RFC3: variants seen among roughly 807,000 people sequenced by gnomAD.
RFC3 encodes the protein replication factor C subunit 3, also known as A1 38 kDa subunit.
A neutral mutation model predicts 45.1 loss-of-function variants in RFC3; 41 were observed. That is an observed-to-expected ratio of 0.91 (90% confidence interval 0.71 to 1.18). The LOEUF is 1.18. Among genes scored for constraint, RFC3 ranks in the 50% most tolerant of loss-of-function variants. The pLI, the probability that RFC3 is intolerant of heterozygous loss-of-function variation, is 0.00. For synonymous variants in RFC3, 149 were observed against 144.0 expected (o/e 1.03, Z -0.25); for missense variants, 423 against 428.1 (o/e 0.99, Z 0.10).
At position 33,836,599 on chromosome 13, in the gene RFC3, C is replaced by G. The variant is rs926304099; in HGVS notation, c.*304C>G. ...TCCTATTCTCTTCCGTCTAATCTCTCACCTGCTAAAGGAGATTTACACATT... is the reference window on the plus strand; with the variant it reads ...TCCTATTCTCTTCCGTCTAATCTCTGACCTGCTAAAGGAGATTTACACATT... On this transcript the variant is annotated 3_prime_UTR_variant, in exon 9 of 9. Coordinates refer to ENST00000380071, the MANE Select transcript of RFC3 (RefSeq NM_002915.4). 116 of 1,043,512 alleles carry G rather than the reference C, an allele frequency of 1.1e-4. No homozygotes were observed. Among genetic ancestry groups the G allele is most frequent in the Non-Finnish European group, 2.5e-5 (22 of 866,422 alleles). The allele number at this position is 1,043,512 out of a possible 1,614,324, so 64.6% of individuals were successfully genotyped here.
intron 8 of RFC3, among the ~76,000 whole-genome samples, chr13:33,888,856 CT>C (rs1478201766): frequency 6.6e-6 from 1 of 151,878 alleles, no homozygotes; most frequent in Non-Finnish European, 1.5e-5. Flanking sequence ...CGCCATTCTC[CT>C]GTCTCAGCCT....
intron 8 of RFC3, among the ~76,000 whole-genome samples, chr13:33,953,894 A>G (rs1275216436): frequency 1.3e-5 from 2 of 152,204 alleles, no homozygotes; most frequent in South Asian, 2.1e-4. Context: ...TAACATATAC[A>G]GTGTTAAGCA....
At chr13:33,922,429 A>C (rs1228326011) in intron 8 of RFC3, among the ~76,000 whole-genome samples, 2 of 152,106 alleles carry the variant, frequency 1.3e-5, no homozygotes, top group Non-Finnish European at 2.9e-5. Flanking sequence ...TGTTTACTTA[A>C]TAACCACAGG....
At chr13:33,827,613 T>A (rs879361965) in intron 4 of RFC3, among the ~76,000 whole-genome samples, 46 of 152,176 alleles carry the variant, frequency 3.0e-4, no homozygotes, top group Non-Finnish European at 4.6e-4. Context: ...ATGTGAACAA[T>A]ATTTTACCAC....
chr13:33,853,510 G>A (rs1003228003), intron 8 of RFC3, among the ~76,000 whole-genome samples: 5 of 152,112 alleles, frequency 3.3e-5, no homozygotes, highest in African/African-American at 1.2e-4. Flanking sequence ...AACTAGAGTG[G>A]TTAAAAGATG....
chr13:33,890,344 T>C (rs913013060), intron 8 of RFC3, among the ~76,000 whole-genome samples: 2 of 152,182 alleles, frequency 1.3e-5, no homozygotes, highest in Non-Finnish European at 2.9e-5. Context: ...CCAGAAGCAA[T>C]ATCAGAGCTC....
chr13:33,849,375 A>G (rs1232790405), intron 8 of RFC3: 1 of 152,132 alleles, frequency 6.6e-6, no homozygotes, highest in Non-Finnish European at 1.5e-5. Flanking sequence ...CTCTCTAGGG[A>G]AAAAAATCAA....
At chr13:33,819,796 T>C (rs897910617) in intron 1 of RFC3, among the ~76,000 whole-genome samples, 2 of 152,226 alleles carry the variant, frequency 1.3e-5, no homozygotes, top group African/African-American at 4.8e-5. Flanking sequence ...AATTTGCTTT[T>C]AAGAAATGTT....
At chr13:33,826,940 C>T (rs1409098987) in intron 4 of RFC3, among the ~76,000 whole-genome samples, 1 of 152,086 alleles carries the variant, frequency 6.6e-6, no homozygotes, top group East Asian at 1.9e-4. Flanking sequence ...TAATTAATTG[C>T]TGGATTTTGG....
chr13:33,870,967 G>A (rs544943446), intron 8 of RFC3, among the ~76,000 whole-genome samples: 13 of 152,284 alleles, frequency 8.5e-5, no homozygotes, highest in African/African-American at 3.1e-4. Context: ...AAGTGTCTCT[G>A]TGCTTTTCAC....
chr13:33,819,370 C>T (rs1334233651), intron 1 of RFC3, among the ~76,000 whole-genome samples: 7 of 152,188 alleles, frequency 4.6e-5, no homozygotes, highest in Non-Finnish European at 8.8e-5. Flanking sequence ...TTTATCCACT[C>T]CTTTTAAGGA....
chr13:33,867,947 C>A (rs1273148163), intron 8 of RFC3, among the ~76,000 whole-genome samples: 1 of 152,150 alleles, frequency 6.6e-6, no homozygotes, highest in African/African-American at 2.4e-5. Flanking sequence ...ACATTTCAGG[C>A]CACTGGCTAC....
intron 1 of RFC3, among the ~76,000 whole-genome samples, chr13:33,820,127 C>T (rs1342069110): frequency 6.6e-6 from 1 of 152,172 alleles, no homozygotes; most frequent in Non-Finnish European, 1.5e-5. Context: ...GTCTGTCACC[C>T]ACTCATCTTT....
chr13:33,818,667 AT>A (rs2081971529), intron 1 of RFC3, among the ~76,000 whole-genome samples: 1 of 152,156 alleles, frequency 6.6e-6, no homozygotes, highest in Admixed American at 6.5e-5. Context: ...ATGTGTTGGG[AT>A]GGAGTTGGAG....
chr13:33,904,276 A>T (rs755204417), intron 8 of RFC3, among the ~76,000 whole-genome samples: 7 of 152,044 alleles, frequency 4.6e-5, no homozygotes, highest in Non-Finnish European at 8.8e-5. Flanking sequence ...TTTCTAAAAA[A>T]TCAGTTGTTC....
At chr13:33,962,859 A>T (rs1226571977) in intron 8 of RFC3, among the ~76,000 whole-genome samples, 2 of 152,126 alleles carry the variant, frequency 1.3e-5, no homozygotes, top group Non-Finnish European at 2.9e-5. Context: ...TTTAGTTGAG[A>T]TTCTCTGAAA....
chr13:33,896,312 T>C (rs12429822), intron 8 of RFC3, among the ~76,000 whole-genome samples: 17,021 of 151,976 alleles, frequency 0.11, 1,246 homozygotes, highest in Admixed American at 0.22. Flanking sequence ...TATACAGGTA[T>C]AAGAACATCA....
chr13:33,975,004 C>G, the RFC3 span, among the ~76,000 whole-genome samples: 13 of 152,282 alleles, frequency 8.5e-5, no homozygotes, highest in African/African-American at 3.1e-4. Flanking sequence ...TCTTGTAAAG[C>G]TATACATTGT....
intron 8 of RFC3, among the ~76,000 whole-genome samples, chr13:33,908,599 A>T (rs2082685786): frequency 7.8e-6 from 1 of 128,596 alleles, no homozygotes; most frequent in African/African-American, 2.8e-5. Flanking sequence ...AAAAGAACAC[A>T]CAGGAGATAC....
Sources: allele counts gnomAD v4.1 joint callset (sites outside exome capture counted in the v4.1 genomes callset), GRCh38; gene constraint gnomAD v4.1.1; transcripts MANE v1.5; gene names NCBI Gene and HGNC (gene_info 2026-07-23, HGNC 2026-07-21).